FCRL2: variants seen among roughly 807,000 people sequenced by gnomAD.
FCRL2 encodes the protein Fc receptor like 2, also known as Fc receptor-like protein 2.
FCRL2 carries 48 observed loss-of-function variants against 59.8 expected under a neutral mutation model. That is an observed-to-expected ratio of 0.80 (90% confidence interval 0.64 to 1.02). FCRL2 has a LOEUF of 1.02. Ranked by LOEUF, FCRL2 falls within the 50% of genes least tolerant of loss-of-function variation. The pLI, the probability that FCRL2 is intolerant of heterozygous loss-of-function variation, is 0.00. For missense variants in FCRL2, 658 were observed against 597.3 expected (o/e 1.10, Z -1.06); for synonymous variants, 251 against 229.5 (o/e 1.09, Z -0.85).
chr1:157,763,419 G>T (rs1649253127), intron 7 of FCRL2, among the ~76,000 whole-genome samples: 1 of 152,026 alleles, frequency 6.6e-6, no homozygotes, highest in Non-Finnish European at 1.5e-5. Context: ...CAGCTACTCA[G>T]GAGGCTGAGG....
At chr1:157,772,189 T>C (rs909060295) in intron 2 of FCRL2, among the ~76,000 whole-genome samples, 1 of 150,618 alleles carries the variant, frequency 6.6e-6, no homozygotes, top group East Asian at 1.9e-4. Flanking sequence ...ACTGATACAG[T>C]CTTCCTCCAC....
At chr1:157,754,712 T>A (rs866709249) in intron 7 of FCRL2, among the ~76,000 whole-genome samples, 1 of 152,044 alleles carries the variant, frequency 6.6e-6, no homozygotes, top group African/African-American at 2.4e-5. Context: ...ACACCTGTAA[T>A]CCCAGTACTT....
intron 5 of FCRL2, 189 bp downstream of exon 5, chr1:157,768,225 C>T (rs1571286628): frequency 3.4e-6 from 2 of 579,954 alleles, no homozygotes; most frequent in Non-Finnish European, 6.1e-6. Context: ...GATTACAGCC[C>T]TCTTTATATT....
At chr1:157,759,338 C>A (rs1648851177) in intron 7 of FCRL2, among the ~76,000 whole-genome samples, 1 of 152,004 alleles carries the variant, frequency 6.6e-6, no homozygotes, top group African/African-American at 2.4e-5. Flanking sequence ...CAGACTAATA[C>A]AAAACTCTAG....
chr1:157,766,689 G>A, intron 7 of FCRL2, 166 bp downstream of exon 7: 1 of 1,048,558 alleles, frequency 9.5e-7, no homozygotes, highest in African/African-American at 1.6e-5. Context: ...TTAGCAGTAT[G>A]ACCACATTGA....
rs1557860342 is a variant in FCRL2, at chr1:157,760,695, G to GA, written c.1279+6159dup. ...GGAAGGAAGGAAAGAAAGAAAGAAA[G>GA]AAGGAAAGAAAGAAAGAAAGAAAGA... is the stretch of plus-strand genomic sequence containing the variant. On this transcript the variant is annotated intron_variant, in intron 7 of 11. Coordinates refer to ENST00000361516, the MANE Select transcript of FCRL2 (RefSeq NM_030764.4). Among the ~76,000 whole-genome samples, 77 of 121,958 alleles carry GA rather than the reference G, an allele frequency of 6.3e-4. 1 individual carries two copies. The highest frequency in any genetic ancestry group is 4.3e-3 in the Middle Eastern group (1 of 232). The allele number at this position is 121,958 out of a possible 152,430, so 80.0% of individuals were successfully genotyped here.
At position 157,770,143 on chromosome 1, in the gene FCRL2, A is replaced by T; in HGVS notation, c.318T>A (p.Phe106Leu). Residue 106 changes from phenylalanine (F) to leucine (L), a missense_variant, in exon 4 of 12, where the codon TTT becomes TTA. Coordinates refer to ENST00000361516, the MANE Select transcript of FCRL2 (RefSeq NM_030764.4). Reference protein sequence around the residue: ...NIVKIKVQELFQRPVLTASSF... With the variant: ...NIVKIKVQELLQRPVLTASSF... Reference sequence around the variant, plus strand: ...AGCTGGCAGTCAGCACAGGACGTTGAAAGAGCTCTAGAGAGAAGGATCACA... The same window carrying T: ...AGCTGGCAGTCAGCACAGGACGTTGTAAGAGCTCTAGAGAGAAGGATCACA... 3 of 1,613,570 alleles carry T rather than the reference A, an allele frequency of 1.9e-6. No individual in the cohort carries two copies. The highest frequency in any genetic ancestry group is 2.5e-6 in the Non-Finnish European group (3 of 1,179,872).
At chr1:157,748,851 G>A in intron 9 of FCRL2, 24 bp downstream of exon 9, 2 of 1,606,434 alleles carry the variant, frequency 1.2e-6, no homozygotes, top group Middle Eastern at 1.9e-4. Context: ...CAGCCTCAGA[G>A]CCCTTCCCAG....
chr1:157,773,570 G>A (rs1434417462), intron 2 of FCRL2, among the ~76,000 whole-genome samples: 3 of 152,160 alleles, frequency 2.0e-5, no homozygotes, highest in Admixed American at 2.0e-4. Context: ...TTTCATATCA[G>A]GGAACCCCAA....
chr1:157,770,855 C>T (rs1394060460), intron 2 of FCRL2, among the ~76,000 whole-genome samples, 189 bp from the exon 3 acceptor site: 1 of 152,198 alleles, frequency 6.6e-6, no homozygotes, highest in Non-Finnish European at 1.5e-5. Context: ...GTGCTGCTAT[C>T]ACAAAATTCC....
At chr1:157,768,820 A>T (rs1649746215) in intron 4 of FCRL2, 119 bp from the exon 5 acceptor site, 1 of 984,116 alleles carries the variant, frequency 1.0e-6, no homozygotes, top group African/African-American at 1.6e-5. Context: ...ATAATCCATT[A>T]TAAGCATTCC....
chr1:157,767,763 C>G (rs1649637561), intron 5 of FCRL2: 13 of 1,359,554 alleles, frequency 9.6e-6, no homozygotes, highest in Non-Finnish European at 1.3e-5. Flanking sequence ...CTGTGCCCAT[C>G]CAGCCCTCTT....
chr1:157,766,647 CTA>C lies in FCRL2; in HGVS notation c.1279+206_1279+207del, dbSNP rs71669960. The C allele has an allele frequency of 0.013, 8,200 of 655,592 alleles. 425 individuals are homozygous for C. In the African/African-American group the frequency reaches 0.13, roughly 10 times the overall value. 40.6% of individuals were successfully genotyped at this position (655,592 alleles called of 1,614,324 possible). On this transcript the variant is annotated intron_variant, in intron 7 of 11. Coordinates refer to ENST00000361516, the MANE Select transcript of FCRL2 (RefSeq NM_030764.4). The stretch of plus-strand genomic sequence containing the variant: ...GTGTAAATAATTTAATCTCCAGTGA[CTA>C]TGCACAGGGAACAGTGACATATTGT...
At chr1:157,770,335 C>A (rs890725247) in intron 3 of FCRL2, 74 bp downstream of exon 3, 4 of 1,543,942 alleles carry the variant, frequency 2.6e-6, no homozygotes, top group Non-Finnish European at 3.5e-6. Flanking sequence ...AGCAGCTTTC[C>A]CCTACCCAGT....
At chr1:157,764,011 T>C (rs1649303903) in intron 7 of FCRL2, among the ~76,000 whole-genome samples, 1 of 126,044 alleles carries the variant, frequency 7.9e-6, no homozygotes, top group African/African-American at 3.1e-5. Flanking sequence ...GCCTGGGTGA[T>C]AGTGCGAGAC....
At chr1:157,753,883 G>T (rs1486526738) in intron 7 of FCRL2, among the ~76,000 whole-genome samples, 1 of 152,114 alleles carries the variant, frequency 6.6e-6, no homozygotes, top group Non-Finnish European at 1.5e-5. Flanking sequence ...GAGCTCAGGG[G>T]TCAGGAACTA....
Position 157,767,041 on chromosome 1 carries a change from G to A in FCRL2, c.1163-70C>T, listed in dbSNP as rs547738922. On this transcript the variant is annotated intron_variant, in intron 6 of 11. Coordinates refer to ENST00000361516, the MANE Select transcript of FCRL2 (RefSeq NM_030764.4). ...GGGCCCTTCTTATAAATGCTATATA[G>A]GGATGTTAAATACAAATTCAAGTAA... The A allele has an allele frequency of 9.0e-5, 127 of 1,407,338 alleles. No homozygotes were observed. The Middle Eastern group carries it at 2.0e-3, about 22-fold the overall frequency. The allele number at this position is 1,407,338 out of a possible 1,614,324, so 87.2% of individuals were successfully genotyped here. A position where few individuals can be genotyped will look rare whatever the true frequency, so the allele number is the denominator to read the frequency against.
intron 7 of FCRL2, among the ~76,000 whole-genome samples, chr1:157,757,447 T>G (rs1648682267): frequency 6.6e-6 from 1 of 152,016 alleles, no homozygotes; most frequent in Non-Finnish European, 1.5e-5. Flanking sequence ...GTAACAAACC[T>G]GCACGTTCTG....
At chr1:157,766,296 C>T (rs903020976) in intron 7 of FCRL2, among the ~76,000 whole-genome samples, 1 of 152,040 alleles carries the variant, frequency 6.6e-6, no homozygotes, top group South Asian at 2.1e-4. Flanking sequence ...ATGGTGAAAC[C>T]CTGTCTCTAC....
Sources: allele counts gnomAD v4.1 joint callset (sites outside exome capture counted in the v4.1 genomes callset), GRCh38; gene constraint gnomAD v4.1.1; transcripts MANE v1.5; gene names NCBI Gene and HGNC (gene_info 2026-07-23, HGNC 2026-07-21).